RFX4: variants seen among roughly 807,000 people sequenced by gnomAD.
RFX4 encodes the protein regulatory factor X4, also known as transcription factor RFX4.
RFX4 carries 10 observed loss-of-function variants against 95.0 expected under a neutral mutation model. The ratio of observed to expected loss-of-function variants is 0.11; its 90% CI spans 0.06 to 0.18. The LOEUF is 0.18. Ranked by LOEUF, RFX4 falls within the 10% of genes least tolerant of loss-of-function variation. The pLI is 1.00. For synonymous variants in RFX4, 321 were observed against 340.7 expected, an observed-to-expected ratio of 0.94 and a Z score of 0.64; for missense variants, 640 against 922.0, an observed-to-expected ratio of 0.69 and a Z score of 3.96.
chr12:106,612,644 C>T (rs1467843368), intron 2 of RFX4, among the ~76,000 whole-genome samples: 3 of 152,126 alleles, frequency 2.0e-5, no homozygotes, highest in Non-Finnish European at 4.4e-5. Context: ...TCGAAACCAG[C>T]CTGGCCAATA....
chr12:106,601,123 G>C (rs1460647198), intron 1 of RFX4: 1 of 1,427,864 alleles, frequency 7.0e-7, no homozygotes, highest in South Asian at 1.5e-5. Context: ...AGCCCCTGGG[G>C]CAGGACCTGT....
chr12:106,699,431 A>G (rs940958663), intron 8 of RFX4, among the ~76,000 whole-genome samples: 1 of 152,146 alleles, frequency 6.6e-6, no homozygotes, highest in Non-Finnish European at 1.5e-5. Context: ...AATTGATAGT[A>G]TTGTTTAAAT....
intron 4 of RFX4, among the ~76,000 whole-genome samples, chr12:106,657,614 A>C (rs2040985987): frequency 6.6e-6 from 1 of 152,190 alleles, no homozygotes; most frequent in Admixed American, 6.5e-5. Context: ...AAGGGTAATG[A>C]AAGTTCACCC....
At chr12:106,674,813 C>T (rs746574501) in intron 4 of RFX4, among the ~76,000 whole-genome samples, 2 of 152,134 alleles carry the variant, frequency 1.3e-5, no homozygotes, top group East Asian at 1.9e-4. Flanking sequence ...GCAAAATGTC[C>T]GGCCTGTAGC....
At chr12:106,607,525 C>T (rs925998315) in intron 1 of RFX4, among the ~76,000 whole-genome samples, 1 of 111,754 alleles carries the variant, frequency 8.9e-6, no homozygotes, top group Non-Finnish European at 1.6e-5. Flanking sequence ...GAGGTGTGAA[C>T]GTGAGTGTGT....
intron 15 of RFX4, 122 bp from the exon 16 acceptor site, chr12:106,747,315 A>C: frequency 9.7e-7 from 1 of 1,034,678 alleles, no homozygotes. Context: ...GCAGAGTCAG[A>C]GATACATGTC....
chr12:106,665,571 T>A (rs1241470232), intron 4 of RFX4, among the ~76,000 whole-genome samples: 1 of 152,026 alleles, frequency 6.6e-6, no homozygotes, highest in Non-Finnish European at 1.5e-5. Context: ...ACGATTTTTG[T>A]CTTCCACTCT....
chr12:106,617,795 C>G (rs2137228205), intron 2 of RFX4, among the ~76,000 whole-genome samples: 1 of 152,248 alleles, frequency 6.6e-6, no homozygotes, highest in South Asian at 2.1e-4. Flanking sequence ...GGTGCAATCT[C>G]AGCTCACTGT....
At chr12:106,732,076 G>C (rs754120705) in intron 13 of RFX4, 54 bp from the exon 14 acceptor site, 5 of 1,598,952 alleles carry the variant, frequency 3.1e-6, no homozygotes, top group African/African-American at 1.3e-5. Flanking sequence ...CAGACAGAGG[G>C]GGCATACACG....
intron 13 of RFX4, among the ~76,000 whole-genome samples, chr12:106,728,195 C>G (rs560698312): frequency 6.6e-6 from 1 of 151,986 alleles, no homozygotes; most frequent in Admixed American, 6.6e-5. Flanking sequence ...AAAATAAAAT[C>G]TCCTTTTGTC....
At chr12:106,664,941 T>G (rs1256708134) in intron 4 of RFX4, among the ~76,000 whole-genome samples, 1 of 151,890 alleles carries the variant, frequency 6.6e-6, no homozygotes, top group Non-Finnish European at 1.5e-5. Context: ...ATGTGATCTA[T>G]CTTGATGAAT....
At chr12:106,666,847 A>G (rs572424843) in intron 4 of RFX4, among the ~76,000 whole-genome samples, 26 of 152,268 alleles carry the variant, frequency 1.7e-4, no homozygotes, top group African/African-American at 6.3e-4. Flanking sequence ...TAGCAAATTG[A>G]TCACAGTTGT....
chr12:106,643,001 C>G (rs1392126559), intron 3 of RFX4, among the ~76,000 whole-genome samples: 1 of 152,158 alleles, frequency 6.6e-6, no homozygotes, highest in African/African-American at 2.4e-5. Context: ...AAGAGGTTAT[C>G]ACAGAGGCTT....
intron 15 of RFX4, among the ~76,000 whole-genome samples, chr12:106,741,161 T>C (rs2042797410): frequency 6.6e-6 from 1 of 152,086 alleles, no homozygotes; most frequent in African/African-American, 2.4e-5. Flanking sequence ...CTAGCTTCAA[T>C]AGGAGGTCTC....
At chr12:106,597,917 G>A (rs779950641) in intron 1 of RFX4, among the ~76,000 whole-genome samples, 2 of 152,134 alleles carry the variant, frequency 1.3e-5, no homozygotes, top group East Asian at 1.9e-4. Context: ...AGGAAAAAGG[G>A]TGCCTCTGTC....
At chr12:106,729,055 G>A (rs2042560126) in intron 13 of RFX4, among the ~76,000 whole-genome samples, 1 of 152,164 alleles carries the variant, frequency 6.6e-6, no homozygotes, top group Non-Finnish European at 1.5e-5. Context: ...TTTTCTAAGA[G>A]TAATCTTAGG....
chr12:106,614,657 C>T (rs992604737), intron 2 of RFX4, among the ~76,000 whole-genome samples: 28 of 151,836 alleles, frequency 1.8e-4, no homozygotes, highest in Non-Finnish European at 2.8e-4. Context: ...TACAGGCACC[C>T]GCCACCACGC....
At chr12:106,648,966 C>T (rs1321709875) in intron 3 of RFX4, among the ~76,000 whole-genome samples, 1 of 152,100 alleles carries the variant, frequency 6.6e-6, no homozygotes, top group Non-Finnish European at 1.5e-5. Context: ...AAATATATAA[C>T]TCAGATAATG....
intron 10 of RFX4, among the ~76,000 whole-genome samples, chr12:106,714,547 A>AT (rs375476497): frequency 1.3e-5 from 2 of 152,036 alleles, no homozygotes; most frequent in African/African-American, 2.4e-5. Context: ...GTGTATTTTA[A>AT]TTTTTTTTAT....
Sources: gnomAD v4.1 joint callset for allele counts (sites outside exome capture counted in the v4.1 genomes callset) on GRCh38, gnomAD v4.1.1 for gene constraint, MANE v1.5 for transcripts, NCBI Gene and HGNC (gene_info 2026-07-23, HGNC 2026-07-21) for gene names.